ZMYM2: variants seen among roughly 807,000 people sequenced by gnomAD.
ZMYM2 encodes zinc finger MYM-type containing 2.
A neutral mutation model predicts 162.8 loss-of-function variants in ZMYM2; 56 were observed. That is an observed-to-expected ratio of 0.34 (90% CI 0.28 to 0.43). ZMYM2 has a LOEUF of 0.43. ZMYM2 is among the 20% of genes least tolerant of loss of function. ZMYM2 has a pLI of 1.00. For synonymous variants in ZMYM2, 510 were observed against 541.6 expected, an observed-to-expected ratio of 0.94 and a Z score of 0.81; for missense variants, 1,275 against 1,621.8, an observed-to-expected ratio of 0.79 and a Z score of 3.67.
At chr13:19,908,899 G>GA in the ZMYM2 span, among the ~76,000 whole-genome samples, 1 of 152,148 alleles carries the variant, frequency 6.6e-6, no homozygotes. Context: ...TGTTATTACA[G>GA]AAAGCTTTGA....
chr13:19,923,779 T>C, the ZMYM2 span, among the ~76,000 whole-genome samples: 2 of 149,600 alleles, frequency 1.3e-5, no homozygotes, highest in Non-Finnish European at 3.0e-5. Flanking sequence ...TAAGCGATTC[T>C]CCTGCCTCAG....
chr13:20,031,826 A>G, intron 10 of ZMYM2, among the ~76,000 whole-genome samples: 1 of 149,174 alleles, frequency 6.7e-6, no homozygotes, highest in Non-Finnish European at 1.5e-5. Flanking sequence ...TCAGTCATAT[A>G]CCACATTGTC....
the ZMYM2 span, among the ~76,000 whole-genome samples, chr13:19,909,337 A>G: frequency 6.6e-6 from 1 of 151,796 alleles, no homozygotes; most frequent in Non-Finnish European, 1.5e-5. Flanking sequence ...GTTTAATTGG[A>G]GGTATTACAA....
At chr13:20,044,153 C>T (rs1954543581) in intron 12 of ZMYM2, among the ~76,000 whole-genome samples, 1 of 152,120 alleles carries the variant, frequency 6.6e-6, no homozygotes, top group African/African-American at 2.4e-5. Flanking sequence ...GGATGGTCAT[C>T]CTTGGCTGTG....
the ZMYM2 span, among the ~76,000 whole-genome samples, chr13:19,869,260 T>C: frequency 6.6e-6 from 1 of 152,232 alleles, no homozygotes; most frequent in Non-Finnish European, 1.5e-5. Flanking sequence ...TGCTGCCAAC[T>C]GGATACACAA....
intron 10 of ZMYM2, among the ~76,000 whole-genome samples, chr13:20,032,852 G>A (rs1260886392): frequency 6.6e-6 from 1 of 151,900 alleles, no homozygotes; most frequent in African/African-American, 2.4e-5. Context: ...CAGGCAATCC[G>A]CCCGCCTCAG....
At chr13:20,037,286 G>T (rs1953807247) in intron 12 of ZMYM2, among the ~76,000 whole-genome samples, 1 of 146,032 alleles carries the variant, frequency 6.8e-6, no homozygotes, top group Non-Finnish European at 1.5e-5. Context: ...CACCATCTCG[G>T]CTCACTGCAG....
the ZMYM2 span, among the ~76,000 whole-genome samples, chr13:19,940,766 G>A: frequency 6.6e-6 from 1 of 152,268 alleles, no homozygotes; most frequent in East Asian, 1.9e-4. Flanking sequence ...ATTTTTCTAA[G>A]GAAATGCTAT....
chr13:19,930,661 C>G, the ZMYM2 span, among the ~76,000 whole-genome samples: 1 of 150,860 alleles, frequency 6.6e-6, no homozygotes, highest in East Asian at 2.1e-4. Context: ...CCTCAGCTTC[C>G]TGAGAATAGC....
chr13:19,932,235 A>G, the ZMYM2 span, among the ~76,000 whole-genome samples: 58 of 152,302 alleles, frequency 3.8e-4, no homozygotes, highest in South Asian at 3.1e-3. Flanking sequence ...CCAAAATTCT[A>G]TGTTAAAGCC....
chr13:19,904,960 G>A, the ZMYM2 span, among the ~76,000 whole-genome samples: 1 of 151,324 alleles, frequency 6.6e-6, no homozygotes, highest in Non-Finnish European at 1.5e-5. Flanking sequence ...TGGCCATAGT[G>A]AATAATGCTG....
At chr13:19,996,736 A>T (rs914104376) in intron 3 of ZMYM2, among the ~76,000 whole-genome samples, 1 of 152,044 alleles carries the variant, frequency 6.6e-6, no homozygotes, top group Non-Finnish European at 1.5e-5. Context: ...AACAAAAAAA[A>T]CTAGCCAGGC....
chr13:20,007,635 T>C (rs1566280504), intron 6 of ZMYM2, among the ~76,000 whole-genome samples: 1 of 151,578 alleles, frequency 6.6e-6, no homozygotes, highest in Admixed American at 6.6e-5. Flanking sequence ...TTTTTTTTTT[T>C]TTTAAAGACA....
intron 2 of ZMYM2, among the ~76,000 whole-genome samples, chr13:19,966,119 TTTTTTTG>T (rs1368722737): frequency 5.4e-5 from 8 of 148,952 alleles, no homozygotes; most frequent in Non-Finnish European, 1.2e-4. Flanking sequence ...TGCTTGTTTT[TTTTTTTG>T]TTTTTGTTTT....
intron 21 of ZMYM2, among the ~76,000 whole-genome samples, chr13:20,077,294 A>G (rs1344005873): frequency 1.3e-5 from 2 of 150,512 alleles, no homozygotes; most frequent in Admixed American, 6.6e-5. Flanking sequence ...TTGATGTGTC[A>G]TTCAGTCCTC....
chr13:19,951,293 A>G, the ZMYM2 span, among the ~76,000 whole-genome samples: 1 of 152,166 alleles, frequency 6.6e-6, no homozygotes, highest in Non-Finnish European at 1.5e-5. Context: ...GAGACAACCT[A>G]TGAAATGAGA....
chr13:20,060,979 C>T, intron 16 of ZMYM2, 74 bp from the exon 17 acceptor site: 1 of 1,402,052 alleles, frequency 7.1e-7, no homozygotes, highest in Non-Finnish European at 9.7e-7. Flanking sequence ...GATCATGTGT[C>T]AGAGTAATTT....
intron 6 of ZMYM2, among the ~76,000 whole-genome samples, chr13:20,008,574 T>C (rs1480735236): frequency 6.6e-6 from 1 of 152,258 alleles, no homozygotes; most frequent in Non-Finnish European, 1.5e-5. Flanking sequence ...GAGGTGGCAC[T>C]GCCATATTAG....
At chr13:19,896,699 G>A in the ZMYM2 span, among the ~76,000 whole-genome samples, 1 of 146,938 alleles carries the variant, frequency 6.8e-6, no homozygotes, top group African/African-American at 2.6e-5. Flanking sequence ...AGAGCTTGCA[G>A]TGAGCCAAGA....
Sources: allele counts gnomAD v4.1 joint callset (sites outside exome capture counted in the v4.1 genomes callset), GRCh38; gene constraint gnomAD v4.1.1; transcripts MANE v1.5; gene names NCBI Gene and HGNC (gene_info 2026-07-23, HGNC 2026-07-21).